ANKRD30B: variants seen among roughly 807,000 people sequenced by gnomAD.
ANKRD30B encodes the protein ankyrin repeat domain-containing protein 30B.
A neutral mutation model predicts 202.2 loss-of-function variants in ANKRD30B; 144 were observed. The ratio of observed to expected loss-of-function variants is 0.71; its 90% CI spans 0.62 to 0.82. The LOEUF is 0.82. Ranked by LOEUF, ANKRD30B falls within the 40% of genes least tolerant of loss-of-function variation. The pLI, the probability that ANKRD30B is intolerant of heterozygous loss-of-function variation, is 0.00. For synonymous variants in ANKRD30B, 508 were observed against 561.3 expected (o/e 0.91, Z 1.34); for missense variants, 1,487 against 1,669.1 (o/e 0.89, Z 1.90).
At chr18:14,863,002 A>G in the ANKRD30B span, among the ~76,000 whole-genome samples, 1 of 152,222 alleles carries the variant, frequency 6.6e-6, no homozygotes, top group Non-Finnish European at 1.5e-5. Context: ...TGCATTGAAT[A>G]TTGGAAGCAA....
rs1173967470 is a variant in ANKRD30B, at chr18:14,791,427, G to T, written c.1761G>T (p.Lys587Asn). 1 of 1,609,450 alleles carries T rather than the reference G, an allele frequency of 6.2e-7. No individual in the cohort carries two copies. Among genetic ancestry groups the T allele is most frequent in the South Asian group, 1.1e-5 (1 of 89,986 alleles). Reference protein sequence around the residue: ...SESPCETVSQKDVYLPKATHQ... With the variant: ...SESPCETVSQNDVYLPKATHQ... The stretch of plus-strand genomic sequence containing the variant: ...GTCCCTGTGAGACGGTTTCACAGAA[G>T]GATGTGTATTTACCCAAAGCTACAC... Residue 587 changes from lysine to asparagine, a missense_variant, in exon 16 of 44, where the codon AAG becomes AAT. Transcript: ENST00000690538.
chr18:14,855,540 C>G (rs565791553), downstream of ANKRD30B, among the ~76,000 whole-genome samples: 2 of 151,204 alleles, frequency 1.3e-5, no homozygotes, highest in African/African-American at 2.5e-5. Flanking sequence ...AGGCGCTCCT[C>G]ACTTCCCAGA....
the ANKRD30B span, among the ~76,000 whole-genome samples, chr18:14,862,507 T>C: frequency 6.6e-6 from 1 of 151,968 alleles, no homozygotes; most frequent in Non-Finnish European, 1.5e-5. Flanking sequence ...CTAGAAAACC[T>C]AGAGAAAATG....
the ANKRD30B span, chr18:14,903,720 A>G: frequency 3.3e-5 from 5 of 151,962 alleles, no homozygotes; most frequent in Admixed American, 1.3e-4. Context: ...AGTTCTCTGC[A>G]CTCCTTCAGT....
intron 39 of ANKRD30B, among the ~76,000 whole-genome samples, chr18:14,847,212 G>A (rs1396988002): frequency 6.6e-6 from 1 of 151,032 alleles, no homozygotes; most frequent in Non-Finnish European, 1.5e-5. Flanking sequence ...TGTCTTAGTG[G>A]TTGTTTTAGG....
At chr18:14,796,294 T>C in intron 17 of ANKRD30B, 45 bp downstream of exon 17, 1 of 1,610,082 alleles carries the variant, frequency 6.2e-7, no homozygotes, top group Non-Finnish European at 8.5e-7. Context: ...CTACATATTT[T>C]AGGAAGCATA....
At chr18:14,864,194 G>A in the ANKRD30B span, among the ~76,000 whole-genome samples, 47 of 152,074 alleles carry the variant, frequency 3.1e-4, no homozygotes, top group South Asian at 9.3e-3. Flanking sequence ...AATTAGCTGG[G>A]CGTCGTGGTG....
At chr18:14,868,700 T>A in the ANKRD30B span, among the ~76,000 whole-genome samples, 1 of 152,272 alleles carries the variant, frequency 6.6e-6, no homozygotes, top group African/African-American at 2.4e-5. Flanking sequence ...AGAGGCATCC[T>A]CCTGGACCAG....
At chr18:14,933,670 G>C in the ANKRD30B span, among the ~76,000 whole-genome samples, 1 of 152,156 alleles carries the variant, frequency 6.6e-6, no homozygotes, top group African/African-American at 2.4e-5. Context: ...GTGCAAGCGG[G>C]TGTGCTTGAA....
the ANKRD30B span, among the ~76,000 whole-genome samples, chr18:14,866,242 G>T: frequency 6.6e-6 from 1 of 152,232 alleles, no homozygotes; most frequent in East Asian, 1.9e-4. Flanking sequence ...AGGAGAAGGG[G>T]GAGCTGGAGG....
intron 34 of ANKRD30B, among the ~76,000 whole-genome samples, chr18:14,834,236 T>C (rs1971078545): frequency 6.6e-6 from 1 of 152,156 alleles, no homozygotes; most frequent in African/African-American, 2.4e-5. Context: ...ATATAACATG[T>C]AATTTTAAAA....
At chr18:14,771,083 G>T (rs1966974175) in intron 8 of ANKRD30B, among the ~76,000 whole-genome samples, 1 of 152,130 alleles carries the variant, frequency 6.6e-6, no homozygotes, top group Non-Finnish European at 1.5e-5. Flanking sequence ...TTGGGTTTTT[G>T]GTAACATGCT....
the ANKRD30B span, among the ~76,000 whole-genome samples, chr18:14,925,944 T>C: frequency 6.6e-6 from 1 of 152,168 alleles, no homozygotes; most frequent in African/African-American, 2.4e-5. Flanking sequence ...CACCCACCTG[T>C]CCTGTGCTCA....
intron 6 of ANKRD30B, among the ~76,000 whole-genome samples, 158 bp downstream of exon 6, chr18:14,760,776 C>T (rs1424713397): frequency 6.6e-6 from 1 of 151,738 alleles, no homozygotes; most frequent in East Asian, 1.9e-4. Context: ...GTATACATAG[C>T]TTTGATTTAT....
the ANKRD30B span, among the ~76,000 whole-genome samples, chr18:14,894,672 AACATTTAAATTTAAAT>A: frequency 1.3e-5 from 2 of 151,674 alleles, no homozygotes; most frequent in African/African-American, 4.8e-5. Flanking sequence ...CAAAGAAAAA[AACATTTAAATTTAAAT>A]ACATTTTATG....
At position 14,796,394 on chromosome 18, in the gene ANKRD30B, G is replaced by A. The variant is rs991629754; in HGVS notation, c.1906G>A (p.Asp636Asn). The A allele has an allele frequency of 6.4e-7, 1 of 1,557,100 alleles. No homozygotes were observed. Among genetic ancestry groups the A allele is most frequent in the Non-Finnish European group, 8.7e-7 (1 of 1,150,422 alleles). The change falls in exon 18 of 44, where the codon GAC (aspartate) becomes AAC (asparagine). Residue 636 changes from aspartate to asparagine, a missense_variant. Asp to Asn is a conservative substitution (Grantham distance 23). This residue lies in a region of ANKRD30B where 889 missense variants were observed against 841.4 expected (regional missense o/e 1.06). Coordinates refer to ENST00000690538, the MANE Select transcript of ANKRD30B (RefSeq NM_001367607.2). ...TCCAAATAAAGCCTTAGAATTAAAG[G>A]ACAGAGAAACATTCAAAGCAGGTAA... ...SLPNKALELK[D>N]RETFKAESPD...
rs1913681203 is a variant in ANKRD30B at position 14,752,849 on chromosome 18, G to A, written c.347G>A (p.Cys116Tyr). ...CTTTAATACTGACAGGCTCTACAAT[G>A]CGAGAGGGAGGCTTGTGCAAATATT... is the stretch of plus-strand genomic sequence containing the variant. ...GRTPLMKALQCEREACANILI... is the reference protein window; with the variant it reads ...GRTPLMKALQYEREACANILI... Residue 116 changes from cysteine to tyrosine, a missense_variant, in exon 3 of 44, where the codon TGC (cysteine) becomes TAC (tyrosine). Physicochemically the swap from Cys to Tyr is radical, Grantham distance 194. Around this residue, in one of 6 missense-constraint regions of ANKRD30B, gnomAD observed 889 missense variants for 841.4 expected, o/e 1.06. Coordinates refer to ENST00000690538, the MANE Select transcript of ANKRD30B (RefSeq NM_001367607.2). 4.4e-6 allele frequency: 7 copies of A among 1,609,108 alleles called. No homozygotes were observed. The Admixed American group carries it at 1.0e-4, about 23-fold the overall frequency.
At chr18:14,837,376 G>A (rs1026607631) in intron 35 of ANKRD30B, 87 bp downstream of exon 35, 37 of 1,203,722 alleles carry the variant, frequency 3.1e-5, no homozygotes, top group Admixed American at 5.7e-5. Context: ...TTTAAATGCT[G>A]TTATATAGAA....
chr18:14,906,636 A>T, the ANKRD30B span, among the ~76,000 whole-genome samples: 2 of 152,050 alleles, frequency 1.3e-5, no homozygotes, highest in Non-Finnish European at 2.9e-5. Flanking sequence ...TTGCACACAC[A>T]CTTCTCCAGC....
Sources: gnomAD v4.1 joint callset for allele counts (sites outside exome capture counted in the v4.1 genomes callset) on GRCh38, gnomAD v4.1.1 for gene constraint, gnomAD v4.1.1 regional missense constraint, MANE v1.5 for transcripts, NCBI Gene and HGNC (gene_info 2026-07-23, HGNC 2026-07-21) for gene names.